NRG3: variants seen among roughly 807,000 people sequenced by gnomAD.
NRG3 encodes the protein neuregulin 3.
NRG3 carries 31 observed loss-of-function variants against 66.9 expected under a neutral mutation model. The ratio of observed to expected loss-of-function variants is 0.46; its 90% CI spans 0.35 to 0.63. The LOEUF (loss-of-function observed/expected upper bound fraction) is 0.63. NRG3 is among the 20% of genes least tolerant of loss of function. NRG3 has a pLI of 0.00. For synonymous variants in NRG3, 393 were observed against 359.4 expected (o/e 1.09, Z -1.06); for missense variants, 910 against 878.9 (o/e 1.04, Z -0.45).
intron 1 of NRG3, among the ~76,000 whole-genome samples, chr10:82,144,877 A>G (rs909467254): frequency 6.6e-6 from 1 of 152,202 alleles, no homozygotes; most frequent in Non-Finnish European, 1.5e-5. Flanking sequence ...ATGCTCTAAG[A>G]CAAAGCTGGC....
chr10:82,603,654 A>G (rs2047775707), intron 2 of NRG3, among the ~76,000 whole-genome samples: 1 of 152,198 alleles, frequency 6.6e-6, no homozygotes, highest in South Asian at 2.1e-4. Context: ...AGTTGATGCT[A>G]TAATAAATTT....
At position 82,448,900 on chromosome 10, in the gene NRG3, T is replaced by A. The variant is rs2136544329; in HGVS notation, c.953+90032T>A. ...GTACCCTCAAAGTAACTGAAAACTC[T>A]ATTATAAACTCCAGTGCCTGCTCTG... On this transcript the variant is annotated intron_variant, in intron 2 of 8. Transcript: ENST00000372141. Among the ~76,000 whole-genome samples the A allele has an allele frequency of 2.0e-5, 3 of 152,322 alleles. No homozygotes were observed. The South Asian group carries it at 6.2e-4, about 32-fold the overall frequency.
chr10:82,522,072 C>G (rs978137528), intron 2 of NRG3, among the ~76,000 whole-genome samples: 1 of 125,100 alleles, frequency 8.0e-6, no homozygotes, highest in African/African-American at 3.0e-5. Context: ...GAGACAGAGT[C>G]TCTCTCTTTA....
chr10:82,309,210 C>T (rs1337487626), intron 1 of NRG3, among the ~76,000 whole-genome samples: 1 of 152,156 alleles, frequency 6.6e-6, no homozygotes, highest in Admixed American at 6.5e-5. Flanking sequence ...ATTTAAGCCA[C>T]GATCGCCCAT....
chr10:82,193,077 A>G (rs546981525), intron 1 of NRG3, among the ~76,000 whole-genome samples: 71 of 152,220 alleles, frequency 4.7e-4, no homozygotes, highest in African/African-American at 1.5e-3. Flanking sequence ...AGAATTAGAT[A>G]TTTATTATAA....
intron 1 of NRG3, among the ~76,000 whole-genome samples, chr10:82,104,826 C>T (rs1022762815): frequency 1.3e-5 from 2 of 152,132 alleles, no homozygotes; most frequent in Non-Finnish European, 2.9e-5. Context: ...TAAATTCACA[C>T]ATACTACACA....
intron 3 of NRG3, among the ~76,000 whole-genome samples, chr10:82,831,497 C>G (rs945907741): frequency 1.3e-5 from 2 of 151,986 alleles, no homozygotes; most frequent in Non-Finnish European, 2.9e-5. Context: ...ACTTTATGTA[C>G]CAAATTAAGA....
intron 3 of NRG3, among the ~76,000 whole-genome samples, chr10:82,824,370 C>G (rs1436142892): frequency 6.6e-6 from 1 of 152,114 alleles, no homozygotes; most frequent in African/African-American, 2.4e-5. Context: ...TTTTAATTCT[C>G]TTCTCTATAT....
chr10:82,980,553 C>T (rs535014746), intron 8 of NRG3, among the ~76,000 whole-genome samples: 16 of 152,246 alleles, frequency 1.1e-4, no homozygotes, highest in East Asian at 5.8e-4. Flanking sequence ...AAGATCAAAA[C>T]GGGTTACGTC....
chr10:82,749,542 T>A (rs550062842), intron 3 of NRG3, among the ~76,000 whole-genome samples: 1 of 152,236 alleles, frequency 6.6e-6, no homozygotes, highest in East Asian at 1.9e-4. Flanking sequence ...CTCCATACAG[T>A]TTAATTTTAT....
intron 2 of NRG3, among the ~76,000 whole-genome samples, chr10:82,456,292 A>G (rs1057450696): frequency 6.6e-6 from 1 of 151,932 alleles, no homozygotes; most frequent in Non-Finnish European, 1.5e-5. Context: ...AGTATGTGCT[A>G]CAACAACTGG....
intron 1 of NRG3, among the ~76,000 whole-genome samples, chr10:81,960,000 G>A (rs1396673957): frequency 6.6e-6 from 1 of 151,812 alleles, no homozygotes; most frequent in Non-Finnish European, 1.5e-5. Flanking sequence ...ATGCATGCCT[G>A]AATTTGTTTC....
intron 1 of NRG3, among the ~76,000 whole-genome samples, chr10:81,939,918 T>C (rs1848256871): frequency 1.3e-5 from 2 of 152,038 alleles, no homozygotes; most frequent in South Asian, 4.1e-4. Flanking sequence ...TGTTACAAAC[T>C]TCTTTTATAT....
intron 1 of NRG3, among the ~76,000 whole-genome samples, chr10:82,255,269 C>T (rs1186190752): frequency 1.3e-5 from 2 of 152,020 alleles, no homozygotes; most frequent in Non-Finnish European, 2.9e-5. Context: ...TCATCACAGA[C>T]AAGCAAAATC....
intron 4 of NRG3, among the ~76,000 whole-genome samples, chr10:82,878,629 T>C (rs1357112242): frequency 6.6e-6 from 1 of 152,146 alleles, no homozygotes; most frequent in Non-Finnish European, 1.5e-5. Flanking sequence ...CACTTGATTT[T>C]TATGGGCAGC....
At chr10:82,320,502 G>C (rs1464315249) in intron 1 of NRG3, among the ~76,000 whole-genome samples, 4 of 152,166 alleles carry the variant, frequency 2.6e-5, no homozygotes, top group Admixed American at 2.6e-4. Flanking sequence ...AATTGACCAA[G>C]TCACTCCTTC....
At chr10:82,813,211 C>CTTTTTTTTTTT (rs58875697) in intron 3 of NRG3, among the ~76,000 whole-genome samples, 10 of 112,152 alleles carry the variant, frequency 8.9e-5, no homozygotes, top group South Asian at 3.1e-4. Flanking sequence ...CTCTGTTTCT[C>CTTTTTTTTTTT]TTTTTTTTTT....
intron 1 of NRG3, among the ~76,000 whole-genome samples, chr10:82,093,871 C>T (rs2066177966): frequency 6.6e-6 from 1 of 152,166 alleles, no homozygotes; most frequent in Non-Finnish European, 1.5e-5. Flanking sequence ...CTGACATACC[C>T]TAACTTGTCT....
intron 2 of NRG3, among the ~76,000 whole-genome samples, chr10:82,678,657 G>A (rs984346501): frequency 1.3e-5 from 2 of 152,068 alleles, no homozygotes; most frequent in African/African-American, 2.4e-5. Context: ...ATCACCCGAC[G>A]GTCGCCTGAC....
Sources: gnomAD v4.1 joint callset for allele counts (sites outside exome capture counted in the v4.1 genomes callset) on GRCh38, gnomAD v4.1.1 for gene constraint, MANE v1.5 for transcripts, NCBI Gene and HGNC (gene_info 2026-07-23, HGNC 2026-07-21) for gene names.